CACNA2D3: variants seen among roughly 807,000 people sequenced by gnomAD.
CACNA2D3 encodes the protein voltage-dependent calcium channel subunit alpha-2/delta-3.
A neutral mutation model predicts 160.6 loss-of-function variants in CACNA2D3; 60 were observed. The observed-to-expected ratio is 0.37, with a 90% CI of 0.30 to 0.46. CACNA2D3 has a LOEUF of 0.46. Ranked by LOEUF, CACNA2D3 falls within the 20% of genes least tolerant of loss-of-function variation. The probability of loss-of-function intolerance (pLI) is 1.00; values close to 1 mark genes in which losing one functional copy is unlikely to be tolerated. For missense variants in CACNA2D3, 1,205 were observed against 1,365.0 expected (o/e 0.88, Z 1.85); for synonymous variants, 558 against 492.9 (o/e 1.13, Z -1.75).
intron 2 of CACNA2D3, among the ~76,000 whole-genome samples, chr3:54,279,690 C>T (rs1024682920): frequency 3.3e-5 from 5 of 152,184 alleles, no homozygotes; most frequent in African/African-American, 1.2e-4. Flanking sequence ...CTGAGTAGAG[C>T]TCTGGCTTAG....
At chr3:54,594,908 G>A (rs1279307691) in intron 9 of CACNA2D3, among the ~76,000 whole-genome samples, 2 of 152,148 alleles carry the variant, frequency 1.3e-5, no homozygotes, top group Non-Finnish European at 2.9e-5. Context: ...CAATCAGTAA[G>A]TGCGCAACCA....
At chr3:54,717,762 G>A (rs1251345814) in intron 11 of CACNA2D3, among the ~76,000 whole-genome samples, 8 of 134,666 alleles carry the variant, frequency 5.9e-5, no homozygotes, top group Non-Finnish European at 7.9e-5. Flanking sequence ...GTGTGCAAGC[G>A]TGTGTGTGGT....
intron 12 of CACNA2D3, among the ~76,000 whole-genome samples, chr3:54,753,863 ATTT>A (rs1483909755): frequency 6.6e-6 from 1 of 152,126 alleles, no homozygotes; most frequent in Non-Finnish European, 1.5e-5. Flanking sequence ...CATCTTTATT[ATTT>A]ATTTGTGATG....
At chr3:54,440,443 T>C (rs1700126134) in intron 4 of CACNA2D3, among the ~76,000 whole-genome samples, 1 of 152,086 alleles carries the variant, frequency 6.6e-6, no homozygotes, top group Non-Finnish European at 1.5e-5. Flanking sequence ...TTGCAGACTT[T>C]TCAAGGGTAG....
At chr3:54,404,431 A>T (rs1404179811) in intron 4 of CACNA2D3, among the ~76,000 whole-genome samples, 1 of 152,190 alleles carries the variant, frequency 6.6e-6, no homozygotes, top group Non-Finnish European at 1.5e-5. Flanking sequence ...AAAGTTCAAC[A>T]TCCTTTCTTG....
intron 3 of CACNA2D3, among the ~76,000 whole-genome samples, chr3:54,334,286 C>T (rs1462337115): frequency 3.3e-5 from 5 of 152,072 alleles, no homozygotes; most frequent in African/African-American, 7.2e-5. Context: ...GGGGTTTCAC[C>T]ATGTTGGCCA....
At chr3:55,068,312 A>G (rs1704715894) in intron 35 of CACNA2D3, among the ~76,000 whole-genome samples, 2 of 152,210 alleles carry the variant, frequency 1.3e-5, no homozygotes, top group African/African-American at 4.8e-5. Flanking sequence ...ATCAACCTAG[A>G]GACAACAAGG....
intron 27 of CACNA2D3, among the ~76,000 whole-genome samples, chr3:54,927,335 C>T (rs1333801314): frequency 1.3e-5 from 2 of 152,164 alleles, no homozygotes; most frequent in Non-Finnish European, 2.9e-5. Flanking sequence ...AGTCCCCTTC[C>T]CCTTTCCAGA....
At chr3:54,157,856 GAAAT>G (rs1270150300) in intron 2 of CACNA2D3, among the ~76,000 whole-genome samples, 16 of 131,700 alleles carry the variant, frequency 1.2e-4, no homozygotes, top group Non-Finnish European at 2.1e-4. Context: ...AAAAAAAAAA[GAAAT>G]GGGGATAAAT....
At chr3:55,024,465 G>A (rs573076150) in intron 35 of CACNA2D3, among the ~76,000 whole-genome samples, 1 of 152,196 alleles carries the variant, frequency 6.6e-6, no homozygotes, top group East Asian at 1.9e-4. Flanking sequence ...TTTAGGAGAT[G>A]ATTAGATCAT....
chr3:54,547,090 A>ACTG (rs146001294), intron 5 of CACNA2D3, among the ~76,000 whole-genome samples: 2,762 of 152,266 alleles, frequency 0.018, 87 homozygotes, highest in African/African-American at 0.063. Flanking sequence ...ATTTGGCTTC[A>ACTG]CTGCTGTTGT....
At chr3:54,939,064 T>C (rs762169804) in intron 27 of CACNA2D3, among the ~76,000 whole-genome samples, 5 of 152,188 alleles carry the variant, frequency 3.3e-5, no homozygotes, top group Non-Finnish European at 4.4e-5. Flanking sequence ...GAGGCACTGT[T>C]ATTTAGCAGT....
chr3:54,884,236 G>A (rs768585247), intron 21 of CACNA2D3, among the ~76,000 whole-genome samples: 14 of 152,238 alleles, frequency 9.2e-5, no homozygotes, highest in African/African-American at 3.1e-4. Context: ...GAGCTATGCA[G>A]TATTACTTGT....
rs546762843 is a variant in CACNA2D3, at chr3:54,846,606, G to T, written c.1626+139G>T. The T allele has an allele frequency of 7.0e-5, 40 of 572,750 alleles. No homozygotes were observed. The South Asian group carries it at 1.0e-3, about 15-fold the overall frequency. 35.5% of individuals were successfully genotyped at this position (572,750 alleles called of 1,614,324 possible). ...TCATAGCATTGTAAAGATTGTTATA[G>T]AGTTTATAAACTGGTATTTGGACAC... On this transcript the variant is annotated intron_variant, in intron 17 of 37. Transcript: ENST00000474759.
chr3:54,942,698 G>A (rs1701502690), intron 27 of CACNA2D3, among the ~76,000 whole-genome samples: 1 of 152,004 alleles, frequency 6.6e-6, no homozygotes, highest in South Asian at 2.1e-4. Context: ...AGACCAGCCT[G>A]GGCAACATAG....
chr3:54,929,851 C>G (rs1307529264), intron 27 of CACNA2D3, among the ~76,000 whole-genome samples: 2 of 152,132 alleles, frequency 1.3e-5, no homozygotes, highest in Non-Finnish European at 2.9e-5. Flanking sequence ...CAATGGCCCC[C>G]ATTAGCATTC....
chr3:54,752,538 T>C (rs1701878275), intron 11 of CACNA2D3, 61 bp from the exon 12 acceptor site: 1 of 1,130,766 alleles, frequency 8.8e-7, no homozygotes, highest in East Asian at 2.4e-5. Context: ...GCCATGCATG[T>C]GATCTGTGCA....
At chr3:54,691,107 G>A (rs1700562325) in intron 11 of CACNA2D3, among the ~76,000 whole-genome samples, 2 of 152,158 alleles carry the variant, frequency 1.3e-5, no homozygotes, top group African/African-American at 4.8e-5. Flanking sequence ...GTTGGGCTTT[G>A]TCAGTTCTTA....
intron 10 of CACNA2D3, among the ~76,000 whole-genome samples, chr3:54,631,490 G>T (rs1699237144): frequency 6.6e-6 from 1 of 151,920 alleles, no homozygotes; most frequent in Non-Finnish European, 1.5e-5. Flanking sequence ...TATTATGCCT[G>T]CCTTTACAAG....
Sources: allele counts gnomAD v4.1 joint callset (sites outside exome capture counted in the v4.1 genomes callset), GRCh38; gene constraint gnomAD v4.1.1; transcripts MANE v1.5; gene names NCBI Gene and HGNC (gene_info 2026-07-23, HGNC 2026-07-21).